DAB1: variants seen among roughly 807,000 people sequenced by gnomAD.
The protein encoded by DAB1 is disabled homolog 1.
Under a neutral mutation model 64.6 loss-of-function variants are expected in DAB1, and 15 were observed. The observed-to-expected ratio is 0.23, with a 90% CI of 0.16 to 0.36. The LOEUF is 0.36. Ranked by LOEUF, DAB1 falls within the 10% of genes least tolerant of loss-of-function variation. The pLI, the probability that DAB1 is intolerant of heterozygous loss-of-function variation, is 1.00. For synonymous variants in DAB1, 235 were observed against 251.9 expected (o/e 0.93, Z 0.64); for missense variants, 596 against 706.7 (o/e 0.84, Z 1.78).
chr1:57,122,254 G>C (rs1174029955), intron 4 of DAB1, among the ~76,000 whole-genome samples: 3 of 152,136 alleles, frequency 2.0e-5, no homozygotes, highest in African/African-American at 7.2e-5. Context: ...AGGCTTCTCT[G>C]ATTCATCTTC....
intron 6 of DAB1, among the ~76,000 whole-genome samples, chr1:57,656,304 G>C (rs1646317906): frequency 6.6e-6 from 1 of 152,142 alleles, no homozygotes; most frequent in Non-Finnish European, 1.5e-5. Context: ...GTCACCTCAA[G>C]GAGAGGTCTG....
chr1:57,649,502 C>G (rs138619301), intron 7 of DAB1: 1 of 152,116 alleles, frequency 6.6e-6, no homozygotes, highest in African/African-American at 2.4e-5. Flanking sequence ...GCTACCACTT[C>G]GAGAGAACCC....
At chr1:57,160,351 T>A (rs11802267) in intron 2 of DAB1, among the ~76,000 whole-genome samples, 2,963 of 152,174 alleles carry the variant, frequency 0.019, 91 homozygotes, top group African/African-American at 0.068. Flanking sequence ...AAATTGAGAC[T>A]CCAGGAGATA....
intron 5 of DAB1, among the ~76,000 whole-genome samples, chr1:57,934,883 T>G (rs1645004143): frequency 6.6e-6 from 1 of 152,204 alleles, no homozygotes; most frequent in Non-Finnish European, 1.5e-5. Flanking sequence ...AGGTACGACT[T>G]CTGCTGGCTC....
At chr1:57,693,531 A>G (rs1558617258) in intron 6 of DAB1, among the ~76,000 whole-genome samples, 1 of 152,166 alleles carries the variant, frequency 6.6e-6, no homozygotes, top group Non-Finnish European at 1.5e-5. Context: ...AATCAGCAGG[A>G]TGTGGGTGGG....
intron 6 of DAB1, among the ~76,000 whole-genome samples, chr1:57,748,062 A>G (rs756811029): frequency 3.9e-5 from 6 of 152,148 alleles, no homozygotes; most frequent in Non-Finnish European, 7.4e-5. Context: ...GGCACTGCTC[A>G]AGGCAATTTA....
chr1:57,461,871 A>G (rs1292098729), intron 7 of DAB1, among the ~76,000 whole-genome samples: 1 of 151,856 alleles, frequency 6.6e-6, no homozygotes, highest in Non-Finnish European at 1.5e-5. Context: ...AATGAATGAA[A>G]CCATGGAGGG....
intron 5 of DAB1, among the ~76,000 whole-genome samples, chr1:58,141,438 C>T (rs1047061146): frequency 9.9e-5 from 15 of 152,134 alleles, no homozygotes; most frequent in Admixed American, 9.2e-4. Flanking sequence ...CCAACAGGTC[C>T]CTCCCATGAT....
chr1:57,300,164 A>G (rs1196400374), intron 1 of DAB1, among the ~76,000 whole-genome samples: 6 of 152,196 alleles, frequency 3.9e-5, no homozygotes, highest in Non-Finnish European at 8.8e-5. Flanking sequence ...AAGGAAACAA[A>G]TTCACTGATT....
intron 6 of DAB1, among the ~76,000 whole-genome samples, chr1:57,797,924 T>C (rs527723939): frequency 2.0e-5 from 3 of 152,234 alleles, no homozygotes; most frequent in African/African-American, 4.8e-5. Context: ...CAGAAGACTA[T>C]GATAATTACC....
chr1:57,364,330 G>C (rs75854522), intron 1 of DAB1, among the ~76,000 whole-genome samples: 2 of 152,238 alleles, frequency 1.3e-5, no homozygotes, highest in Non-Finnish European at 2.9e-5. Context: ...AATAGCAAGA[G>C]AAGTCATTTA....
At chr1:58,193,807 G>A (rs1657520360) in intron 4 of DAB1, among the ~76,000 whole-genome samples, 1 of 151,702 alleles carries the variant, frequency 6.6e-6, no homozygotes, top group African/African-American at 2.4e-5. Flanking sequence ...AGTGAGCCAA[G>A]ATCGCACCAT....
chr1:58,342,456 AAT>A (rs1393973521), intron 4 of DAB1, among the ~76,000 whole-genome samples: 1 of 152,182 alleles, frequency 6.6e-6, no homozygotes, highest in Non-Finnish European at 1.5e-5. Context: ...ATAAATCAAT[AAT>A]TAGGGTCTGA....
chr1:58,023,687 T>G (rs1371409960), intron 5 of DAB1, among the ~76,000 whole-genome samples: 1 of 152,232 alleles, frequency 6.6e-6, no homozygotes, highest in East Asian at 1.9e-4. Context: ...CCTACAAGTT[T>G]ATTTTAAAAT....
chr1:57,289,081 C>T (rs1376539508), intron 2 of DAB1, among the ~76,000 whole-genome samples: 1 of 152,148 alleles, frequency 6.6e-6, no homozygotes, highest in East Asian at 1.9e-4. Flanking sequence ...ACACTCCTCA[C>T]ATATGTATTA....
Position 57,232,309 on chromosome 1 carries a change from C to T in DAB1, c.67+58655G>A, listed in dbSNP as rs1174028850. Among the ~76,000 whole-genome samples, 6 of 31,438 alleles carry T rather than the reference C, an allele frequency of 1.9e-4. No homozygotes were observed. In the East Asian group the frequency reaches 9.1e-3, roughly 48 times the overall value. 20.6% of individuals were successfully genotyped at this position (31,438 alleles called of 152,430 possible). A position where few individuals can be genotyped will look rare whatever the true frequency, so the allele number is the denominator to read the frequency against. ...CTTTTTTTTTTTTTTTTTTTTTGCA[C>T]GAACCTCATTGAAATAGACAGGAAA... On this transcript the variant is annotated intron_variant, in intron 2 of 14. Coordinates refer to ENST00000371236, the MANE Select transcript of DAB1 (RefSeq NM_001365792.1).
intron 4 of DAB1, among the ~76,000 whole-genome samples, chr1:58,331,738 G>A (rs1363116437): frequency 2.6e-5 from 4 of 152,142 alleles, no homozygotes; most frequent in African/African-American, 7.2e-5. Flanking sequence ...AGGTATGTAC[G>A]TTTTTTAGAG....
intron 5 of DAB1, among the ~76,000 whole-genome samples, chr1:57,916,564 G>A (rs564169574): frequency 9.2e-5 from 14 of 152,232 alleles, no homozygotes; most frequent in Non-Finnish European, 8.8e-5. Context: ...ATAAAAATTA[G>A]TTGAGTTCTC....
At chr1:57,423,686 G>A (rs369190541) in intron 1 of DAB1, among the ~76,000 whole-genome samples, 1 of 152,068 alleles carries the variant, frequency 6.6e-6, no homozygotes, top group Non-Finnish European at 1.5e-5. Context: ...CGCGGGGATG[G>A]GGGGCAGGAC....
Sources: gnomAD v4.1 joint callset for allele counts (sites outside exome capture counted in the v4.1 genomes callset) on GRCh38, gnomAD v4.1.1 for gene constraint, MANE v1.5 for transcripts, NCBI Gene and HGNC (gene_info 2026-07-23, HGNC 2026-07-21) for gene names.